The following NOA1 variants were observed in gnomAD, a reference collection of about 807,000 sequenced individuals.
NOA1 encodes the protein nitric oxide associated 1, also known as nitric oxide-associated protein 1.
A neutral mutation model predicts 58.4 loss-of-function variants in NOA1; 35 were observed. The ratio of observed to expected loss-of-function variants is 0.60; its 90% confidence interval spans 0.46 to 0.79. The LOEUF is 0.79. Among genes scored for constraint, NOA1 ranks in the 30% least tolerant of loss-of-function variants. The probability of loss-of-function intolerance (pLI) is 0.00; values close to 1 mark genes in which losing one functional copy is unlikely to be tolerated. For missense variants in NOA1, 895 were observed against 894.6 expected, an observed-to-expected ratio of 1.00 and a Z score of -0.01; for synonymous variants, 397 against 373.4, an observed-to-expected ratio of 1.06 and a Z score of -0.73.
chr4:56,975,170 C>T lies in NOA1; in HGVS notation c.1145-1148G>A, dbSNP rs187513151. On this transcript the variant is annotated intron_variant, in intron 1 of 6. Coordinates refer to ENST00000264230, the MANE Select transcript of NOA1 (RefSeq NM_032313.4). ...TCCTGAGTAGCTGGGACTACAGGCA[C>T]GCACCACCAGCCTGACTAATTTTTG... 8.6e-5 allele frequency among the ~76,000 whole-genome samples: 13 copies of T among 151,826 alleles called. No individual in the cohort carries two copies. The East Asian group carries it at 2.2e-3, about 26-fold the overall frequency.
intron 3 of NOA1, among the ~76,000 whole-genome samples, chr4:56,970,944 G>A (rs985518305): frequency 2.0e-5 from 3 of 152,138 alleles, no homozygotes; most frequent in Non-Finnish European, 4.4e-5. Context: ...GCAAATTCTT[G>A]CCTTTCTGAC....
In NOA1 at chr4:56,977,498, G is replaced by A. The variant is rs753051670; in HGVS notation, c.88C>T (p.Pro30Ser). 1.2e-6 allele frequency: 2 copies of A among 1,613,646 alleles called. No individual in the cohort carries two copies. Among genetic ancestry groups the A allele is most frequent in the Non-Finnish European group, 1.7e-6 (2 of 1,179,984 alleles). The change falls in exon 1 of 7, where the codon CCG becomes TCG. Residue 30 changes from proline to serine, a missense_variant. Around this residue, in one of 3 missense-constraint regions of NOA1, gnomAD observed 680 missense variants for 656.5 expected, o/e 1.04. Coordinates refer to ENST00000264230, the MANE Select transcript of NOA1 (RefSeq NM_032313.4). ...PTAARHGLRE[P>S]LLERRCAAAS... ...GCAGCGCACCTCCTCTCCAGGAGCG[G>A]CTCCCGGAGGCCATGGCGCGCTGCC...
At chr4:56,972,226 T>A (rs1721823455) in intron 3 of NOA1, among the ~76,000 whole-genome samples, 1 of 152,202 alleles carries the variant, frequency 6.6e-6, no homozygotes, top group Non-Finnish European at 1.5e-5. Context: ...CTGAGAGCAC[T>A]GAGTTCTCAG....
chr4:56,970,165 G>A lies in NOA1; in HGVS notation c.1516-1650C>T, dbSNP rs567637845. On this transcript the variant is annotated intron_variant, in intron 3 of 6. Transcript: ENST00000264230. The stretch of plus-strand genomic sequence containing the variant: ...AAATACAAAAATTAGCTGGGGTGGC[G>A]TGTGTCTGTAGTTCCCAGCTACCCT... 1.5e-3 allele frequency among the ~76,000 whole-genome samples: 230 copies of A among 152,022 alleles called. 1 individual carries two copies. Among genetic ancestry groups the A allele is most frequent in the Non-Finnish European group, 2.5e-3 (167 of 67,986 alleles).
At chr4:56,976,402 C>T (rs759444626) in intron 1 of NOA1, 40 bp downstream of exon 1, 25 of 1,569,488 alleles carry the variant, frequency 1.6e-5, no homozygotes, top group Non-Finnish European at 2.0e-5. Flanking sequence ...AGACGTCCAC[C>T]TTGCCAGGAA....
At position 56,976,666 on chromosome 4, in the gene NOA1, C is replaced by A. The variant is rs142046322; in HGVS notation, c.920G>T (p.Arg307Leu). The A allele has an allele frequency of 3.0e-5, 48 of 1,613,840 alleles. No individual in the cohort carries two copies. In the Admixed American group the frequency reaches 7.2e-4, roughly 24 times the overall value. ...GENPNPPNWS[R>L]TVVRDVRLIS... ...CAGCCGCACGTCCCTGACCACTGTG[C>A]GGGACCAGTTCGGCGGATTCGGATT... The change falls in exon 1 of 7, where the codon CGC becomes CTC. Residue 307 changes from arginine to leucine, a missense_variant. Physicochemically the swap from Arg to Leu is moderately radical, Grantham distance 102. This residue lies in a region of NOA1 where 680 missense variants were observed against 656.5 expected (regional missense o/e 1.04). Coordinates refer to ENST00000264230, the MANE Select transcript of NOA1 (RefSeq NM_032313.4).
At chr4:56,965,574 T>C (rs1320357814) in intron 5 of NOA1, among the ~76,000 whole-genome samples, 1 of 152,112 alleles carries the variant, frequency 6.6e-6, no homozygotes, top group Non-Finnish European at 1.5e-5. Context: ...ATGAGCAATA[T>C]TTTGAGAAAT....
At position 56,976,802 on chromosome 4, in the gene NOA1, G is replaced by C; in HGVS notation, c.784C>G (p.Gln262Glu). The C allele has an allele frequency of 6.2e-7, 1 of 1,610,738 alleles. No individual in the cohort carries two copies. Among genetic ancestry groups the C allele is most frequent in the Non-Finnish European group, 8.5e-7 (1 of 1,178,122 alleles). The part of the protein sequence containing the change: ...LLPQDAPGYR[Q>E]RLRERLWEDC... ...TCCCACAGTCGCTCCCGCAGCCTCT[G>C]CCGGTAGCCAGGAGCATCCTGGGGC... Residue 262 changes from glutamine to glutamate, a missense_variant, in exon 1 of 7, where the codon CAG becomes GAG. Gln to Glu is a conservative substitution (Grantham distance 29). Transcript: ENST00000264230.
At chr4:56,966,808 TAA>T in intron 4 of NOA1, 72 bp from the exon 5 acceptor site, 2 of 834,284 alleles carry the variant, frequency 2.4e-6, no homozygotes, top group Non-Finnish European at 3.8e-6. Context: ...TACAATCAAC[TAA>T]AAAAAAAACA....
In NOA1 at chr4:56,968,664, T is replaced by C. The variant is rs1721759503; in HGVS notation, c.1516-149A>G. 3.0e-5 allele frequency: 19 copies of C among 634,178 alleles called. No individual in the cohort carries two copies. The South Asian group carries it at 4.1e-4, about 14-fold the overall frequency. The allele number at this position is 634,178 out of a possible 1,614,324, so 39.3% of individuals were successfully genotyped here. A position where few individuals can be genotyped will look rare whatever the true frequency, so the allele number is the denominator to read the frequency against. ...CAGAGTTTGCTATGCATCAAATTTATATAGATTCTTCCTGTCTAAATTAAT... is the reference window on the plus strand; with the variant it reads ...CAGAGTTTGCTATGCATCAAATTTACATAGATTCTTCCTGTCTAAATTAAT... On this transcript the variant is annotated intron_variant, in intron 3 of 6. Coordinates refer to ENST00000264230, the MANE Select transcript of NOA1 (RefSeq NM_032313.4).
At chr4:56,964,775 C>T (rs1490358849) in intron 5 of NOA1, among the ~76,000 whole-genome samples, 1 of 152,182 alleles carries the variant, frequency 6.6e-6, no homozygotes, top group Non-Finnish European at 1.5e-5. Flanking sequence ...GCAGAAGCCT[C>T]TGGACAGGAG....
chr4:56,977,249 G>T lies in NOA1; in HGVS notation c.337C>A (p.Arg113=). ...RQRQQRREER[R]QQNLRARSRE... ...GACCTGGCCCGTAGGTTTTGCTGTC[G>T]CCGCTCCTCCCGCCGCTGCTGCCTC... The change falls in exon 1 of 7, where the codon CGA becomes AGA. Residue 113 remains arginine, a synonymous_variant. Transcript: ENST00000264230. 2 of 1,603,184 alleles carry T rather than the reference G, an allele frequency of 1.2e-6. No homozygotes were observed. Among genetic ancestry groups the T allele is most frequent in the Non-Finnish European group, 8.5e-7 (1 of 1,175,710 alleles).
At chr4:56,965,703 T>C (rs1721690082) in intron 5 of NOA1, among the ~76,000 whole-genome samples, 1 of 77,218 alleles carries the variant, frequency 1.3e-5, no homozygotes, top group Non-Finnish European at 2.8e-5. Context: ...GGTGTGTGTG[T>C]GTGTGTGTGT....
chr4:56,971,892 T>A (rs1721817651), intron 3 of NOA1, among the ~76,000 whole-genome samples: 1 of 104,408 alleles, frequency 9.6e-6, no homozygotes, highest in African/African-American at 4.0e-5. Context: ...ATGCTATTCT[T>A]TTTTTTTTTT....
intron 3 of NOA1, among the ~76,000 whole-genome samples, chr4:56,970,744 G>A (rs900433868): frequency 1.3e-5 from 2 of 152,058 alleles, no homozygotes; most frequent in Admixed American, 6.5e-5. Flanking sequence ...CTACAGGTGT[G>A]AGGCACTGTG....
rs6835933 is a variant in NOA1 at position 56,963,509 on chromosome 4, T to C, written c.2038A>G (p.Lys680Glu). 4.1e-4 allele frequency: 662 copies of C among 1,614,142 alleles called. 5 individuals carry two copies. In the African/African-American group the frequency reaches 8.1e-3, roughly 20 times the overall value. Residue 680 changes from lysine (K) to glutamate (E), a missense_variant, in exon 7 of 7, where the codon AAG (lysine) becomes GAG (glutamate). Coordinates refer to ENST00000264230, the MANE Select transcript of NOA1 (RefSeq NM_032313.4). ...RIKKSVAYKT[K>E]KPPSLMYNVR... is the part of the protein sequence containing the mutation. ...TTGTACATAAGGGAAGGAGGCTTCTTGGTTTTATAGGCCACACTTTTCTTG... is the reference window on the plus strand; with the variant it reads ...TTGTACATAAGGGAAGGAGGCTTCTCGGTTTTATAGGCCACACTTTTCTTG...
chr4:56,976,052 CAAAA>C (rs536398061), intron 1 of NOA1, among the ~76,000 whole-genome samples: 13 of 152,064 alleles, frequency 8.5e-5, no homozygotes, highest in Non-Finnish European at 1.8e-4. Context: ...GTCTCCAAAA[CAAAA>C]CAAACAAACA....
At chr4:56,976,343 C>T in intron 1 of NOA1, 99 bp downstream of exon 1, 2 of 1,026,306 alleles carry the variant, frequency 1.9e-6, no homozygotes, top group Non-Finnish European at 2.9e-6. Flanking sequence ...GTACAGGCAG[C>T]CCGCAGTGGA....
chr4:56,974,437 A>C (rs527291531), intron 1 of NOA1, among the ~76,000 whole-genome samples: 1 of 152,218 alleles, frequency 6.6e-6, no homozygotes, highest in South Asian at 2.1e-4. Flanking sequence ...GGATCACTTG[A>C]GGTCAGGAGT....
Sources: gnomAD v4.1 joint callset for allele counts (sites outside exome capture counted in the v4.1 genomes callset) on GRCh38, gnomAD v4.1.1 for gene constraint, gnomAD v4.1.1 regional missense constraint, MANE v1.5 for transcripts, NCBI Gene and HGNC (gene_info 2026-07-23, HGNC 2026-07-21) for gene names.